The following RAD9B variants were observed in gnomAD, a reference collection of about 807,000 sequenced individuals.
RAD9B encodes RAD9 checkpoint clamp component B, also known as cell cycle checkpoint control protein RAD9B.
A neutral mutation model predicts 48.3 loss-of-function variants in RAD9B; 41 were observed. The observed-to-expected ratio is 0.85, with a 90% CI of 0.66 to 1.10. The LOEUF is 1.10. Ranked by LOEUF, RAD9B falls within the 50% of genes least tolerant of loss-of-function variation. RAD9B has a pLI of 0.00. For synonymous variants in RAD9B, 160 were observed against 157.9 expected (o/e 1.01, Z -0.10); for missense variants, 444 against 485.1 (o/e 0.92, Z 0.80).
At chr12:110,518,840 G>C in intron 7 of RAD9B, 34 bp from the exon 8 acceptor site, 1 of 1,580,728 alleles carries the variant, frequency 6.3e-7, no homozygotes, top group Non-Finnish European at 8.6e-7. Flanking sequence ...TTTTTATAAG[G>C]ATTTTAAGTT....
rs1047057593 is a variant in RAD9B, at chr12:110,519,886, A to G, written c.860A>G (p.Gln287Arg). ...GAACAAAGTAGAGCATCTTCACCAC[A>G]GTCACTGTGTCTTTCACAGAAACGA... ...ADEQSRASSPQSLCLSQKRKR... is the reference protein window; with the variant it reads ...ADEQSRASSPRSLCLSQKRKR... Residue 287 changes from glutamine to arginine, a missense_variant, in exon 9 of 11, where the codon CAG (glutamine) becomes CGG (arginine). Gln to Arg is a conservative substitution (Grantham distance 43). Coordinates refer to ENST00000409300, the MANE Select transcript of RAD9B (RefSeq NM_001286535.2). 2.5e-6 allele frequency: 4 copies of G among 1,612,556 alleles called. No individual in the cohort carries two copies. The African/African-American group carries it at 4.0e-5, about 16-fold the overall frequency.
At chr12:110,515,459 G>A (rs1389283915) in intron 6 of RAD9B, among the ~76,000 whole-genome samples, 1 of 152,094 alleles carries the variant, frequency 6.6e-6, no homozygotes, top group Non-Finnish European at 1.5e-5. Context: ...TCGGGAGTTC[G>A]AGACCAGCCT....
intron 9 of RAD9B, among the ~76,000 whole-genome samples, chr12:110,520,175 T>C (rs1353461791): frequency 6.6e-6 from 1 of 151,846 alleles, no homozygotes; most frequent in Non-Finnish European, 1.5e-5. Context: ...TTCCCAGAAC[T>C]CAATTCCAAT....
At chr12:110,518,290 G>T (rs1402947679) in intron 6 of RAD9B, among the ~76,000 whole-genome samples, 1 of 152,122 alleles carries the variant, frequency 6.6e-6, no homozygotes, top group Non-Finnish European at 1.5e-5. Flanking sequence ...TTGAGCCCAG[G>T]AGGTCAAGGC....
chr12:110,531,935 G>T lies in RAD9B; in HGVS notation c.*1282G>T, dbSNP rs762579944. 27 of 313,602 alleles carry T rather than the reference G, an allele frequency of 8.6e-5. No individual in the cohort carries two copies. Among genetic ancestry groups the T allele is most frequent in the Non-Finnish European group, 1.5e-4 (25 of 171,834 alleles). 19.4% of individuals were successfully genotyped at this position (313,602 alleles called of 1,614,324 possible). On this transcript the variant is annotated 3_prime_UTR_variant, in exon 11 of 11. Coordinates refer to ENST00000409300, the MANE Select transcript of RAD9B (RefSeq NM_001286535.2). Reference sequence around the variant, plus strand: ...GGCAAGCAGTTGTACTTTAGACTTTGTGAGAAATTCATAAAGGTGGCTGAG... The same window carrying T: ...GGCAAGCAGTTGTACTTTAGACTTTTTGAGAAATTCATAAAGGTGGCTGAG...
Position 110,531,389 on chromosome 12 carries a change from G to A in RAD9B, c.*736G>A, listed in dbSNP as rs537841991. ...TGGTATTTTGTAGAGACAGGGTTTC[G>A]CCATGTTGGCCAGGGTGGTCTTGAA... On this transcript the variant is annotated 3_prime_UTR_variant, in exon 11 of 11. Transcript: ENST00000409300. The A allele has an allele frequency of 6.4e-4, 305 of 479,716 alleles. No homozygotes were observed. The highest frequency in any genetic ancestry group is 1.2e-3 in the African/African-American group (58 of 49,114). The allele number at this position is 479,716 out of a possible 1,614,324, so 29.7% of individuals were successfully genotyped here.
intron 6 of RAD9B, 137 bp from the exon 7 acceptor site, chr12:110,518,539 G>A: frequency 1.8e-6 from 1 of 543,072 alleles, no homozygotes. Flanking sequence ...ATAGCATGCA[G>A]ATATCAGGTG....
chr12:110,526,785 T>A (rs1333641512), intron 10 of RAD9B, among the ~76,000 whole-genome samples: 2 of 151,814 alleles, frequency 1.3e-5, no homozygotes, highest in African/African-American at 4.8e-5. Flanking sequence ...GGCGGGCGCC[T>A]GTAGTCCCAG....
Position 110,519,891 on chromosome 12 carries a change from C to G in RAD9B, c.865C>G (p.Leu289Val), listed in dbSNP as rs905463683. 6.2e-7 allele frequency: 1 copy of G among 1,612,306 alleles called. No individual in the cohort carries two copies. The highest frequency in any genetic ancestry group is 1.3e-5 in the African/African-American group (1 of 74,822). ...AAGTAGAGCATCTTCACCACAGTCACTGTGTCTTTCACAGAAACGAAAAAG... is the reference window on the plus strand; with the variant it reads ...AAGTAGAGCATCTTCACCACAGTCAGTGTGTCTTTCACAGAAACGAAAAAG... ...EQSRASSPQSLCLSQKRKRSD... is the reference protein window; with the variant it reads ...EQSRASSPQSVCLSQKRKRSD... Residue 289 changes from leucine to valine, a missense_variant, in exon 9 of 11, where the codon CTG becomes GTG. By Grantham distance (32) the Leu-to-Val change is conservative. Coordinates refer to ENST00000409300, the MANE Select transcript of RAD9B (RefSeq NM_001286535.2).
At chr12:110,518,385 TATTA>T (rs2063674416) in intron 6 of RAD9B, among the ~76,000 whole-genome samples, 1 of 152,184 alleles carries the variant, frequency 6.6e-6, no homozygotes, top group Middle Eastern at 3.4e-3. Context: ...ACAAAAAATT[TATTA>T]ATTAACTTAG....
rs1427021395 is a variant in RAD9B, at chr12:110,519,824, A to G, written c.798A>G (p.Leu266=). The G allele has an allele frequency of 6.2e-7, 1 of 1,613,152 alleles. No individual in the cohort carries two copies. The highest frequency in any genetic ancestry group is 2.2e-5 in the East Asian group (1 of 44,812). Reference sequence around the variant, plus strand: ...TGGCTTTGAGTATTGATGATATGTTAGTGGAAGCTAACTTTATTTTGGCCA... The same window carrying G: ...TGGCTTTGAGTATTGATGATATGTTGGTGGAAGCTAACTTTATTTTGGCCA... The part of the protein sequence containing the change: ...KPLALSIDDM[L]VEANFILATL... Residue 266 remains leucine, a synonymous_variant, in exon 9 of 11, where the codon TTA becomes TTG. Coordinates refer to ENST00000409300, the MANE Select transcript of RAD9B (RefSeq NM_001286535.2).
chr12:110,504,677 T>G (rs2063208196), intron 2 of RAD9B, among the ~76,000 whole-genome samples: 1 of 151,998 alleles, frequency 6.6e-6, no homozygotes, highest in Non-Finnish European at 1.5e-5. Flanking sequence ...CCTTATATAT[T>G]GCCTTTTGCC....
At chr12:110,509,598 A>ACTTC (rs2063400577) in intron 4 of RAD9B, among the ~76,000 whole-genome samples, 1 of 152,196 alleles carries the variant, frequency 6.6e-6, no homozygotes, top group Non-Finnish European at 1.5e-5. Flanking sequence ...AAGATGAAGG[A>ACTTC]GAAGTGTGAA....
Position 110,519,726 on chromosome 12 carries a change from A to G in RAD9B, c.768-68A>G. The G allele has an allele frequency of 4.0e-6, 6 of 1,503,604 alleles. No individual in the cohort carries two copies. The South Asian group carries it at 8.0e-5, about 20-fold the overall frequency. The allele number at this position is 1,503,604 out of a possible 1,614,324, so 93.1% of individuals were successfully genotyped here. ...TCTTTTTAGTCCAGAATTAAGTATC[A>G]TTTCTAATGTGTTTCTAATGTCCAT... is the stretch of plus-strand genomic sequence containing the variant. On this transcript the variant is annotated intron_variant, in intron 8 of 10. Transcript: ENST00000409300.
intron 10 of RAD9B, among the ~76,000 whole-genome samples, chr12:110,523,798 C>T (rs568009791): frequency 6.6e-6 from 1 of 152,322 alleles, no homozygotes; most frequent in South Asian, 2.1e-4. Flanking sequence ...AGCACCATTA[C>T]AGCACTCTTT....
intron 4 of RAD9B, among the ~76,000 whole-genome samples, chr12:110,512,177 C>A (rs1483431008): frequency 7.8e-6 from 1 of 128,676 alleles, no homozygotes; most frequent in Non-Finnish European, 1.6e-5. Context: ...GACAGAGTCT[C>A]ACTCTGTCAC....
At chr12:110,521,803 C>G (rs1032709789) in intron 9 of RAD9B, among the ~76,000 whole-genome samples, 2 of 151,920 alleles carry the variant, frequency 1.3e-5, no homozygotes, top group Non-Finnish European at 2.9e-5. Context: ...TGATCCACCC[C>G]CCTTGACCTC....
intron 6 of RAD9B, among the ~76,000 whole-genome samples, chr12:110,515,576 G>T (rs1303688062): frequency 1.3e-5 from 2 of 152,124 alleles, no homozygotes; most frequent in Non-Finnish European, 2.9e-5. Flanking sequence ...CAGGAGAATC[G>T]CTTGAACCCG....
At position 110,502,486 on chromosome 12, in the gene RAD9B, A is replaced by G. The variant is rs965137894; in HGVS notation, c.46+103A>G. The G allele has an allele frequency of 5.9e-6, 8 of 1,361,328 alleles. No homozygotes were observed. In the East Asian group the frequency reaches 1.2e-4, roughly 21 times the overall value. 84.3% of individuals were successfully genotyped at this position (1,361,328 alleles called of 1,614,324 possible). A position where few individuals can be genotyped will look rare whatever the true frequency, so the allele number is the denominator to read the frequency against. On this transcript the variant is annotated intron_variant, in intron 1 of 10. Transcript: ENST00000409300. ...TTTTTCCTCTTTGCCTTTTTGCGCA[A>G]TGACTGAGGACGCACGCCCTGGCCA...
Sources: gnomAD v4.1 joint callset for allele counts (sites outside exome capture counted in the v4.1 genomes callset) on GRCh38, gnomAD v4.1.1 for gene constraint, MANE v1.5 for transcripts, NCBI Gene and HGNC (gene_info 2026-07-23, HGNC 2026-07-21) for gene names.